Variants in CAMK4 observed in about 807,000 individuals in gnomAD.
The protein encoded by CAMK4 is calcium/calmodulin dependent protein kinase IV.
CAMK4 carries 22 observed loss-of-function variants against 44.9 expected under a neutral mutation model. The observed-to-expected ratio is 0.49, with a 90% CI of 0.35 to 0.70. CAMK4 has a LOEUF of 0.70. CAMK4 is among the 30% of genes least tolerant of loss of function. CAMK4 has a pLI of 0.01. For synonymous variants in CAMK4, 218 were observed against 215.4 expected (o/e 1.01, Z -0.11); for missense variants, 498 against 586.8 (o/e 0.85, Z 1.56).
intron 5 of CAMK4, among the ~76,000 whole-genome samples, chr5:111,436,365 G>C (rs985048941): frequency 7.2e-5 from 11 of 152,200 alleles, no homozygotes; most frequent in Admixed American, 4.6e-4. Flanking sequence ...GCCACTGTCA[G>C]TGTGTTCTTT....
chr5:111,430,905 C>T (rs1369773344), intron 5 of CAMK4, among the ~76,000 whole-genome samples: 1 of 151,998 alleles, frequency 6.6e-6, no homozygotes, highest in East Asian at 1.9e-4. Flanking sequence ...TCAGTGCAAT[C>T]ACTATCAAAA....
chr5:111,315,327 G>A (rs1013423384), intron 1 of CAMK4, among the ~76,000 whole-genome samples: 5 of 152,084 alleles, frequency 3.3e-5, no homozygotes, highest in Non-Finnish European at 7.4e-5. Context: ...GCCTGGTGCA[G>A]TTTAATGAAT....
Position 111,473,313 on chromosome 5 carries a change from C to A in CAMK4, c.628C>A (p.Pro210Thr). ...TVCGTPGYCA[P>T]EILRGCAYGP... is the part of the protein sequence containing the mutation. Reference sequence around the variant, plus strand: ...CACAATTTTCACTTTTTCTGCAGCACCTGAAATTCTTAGAGGTTGTGCCTA... The same window carrying A: ...CACAATTTTCACTTTTTCTGCAGCAACTGAAATTCTTAGAGGTTGTGCCTA... Residue 210 changes from proline to threonine, a missense_variant and splice_region_variant, in exon 8 of 11, where the codon CCT becomes ACT. By Grantham distance (38) the Pro-to-Thr change is conservative. Transcript: ENST00000282356. The A allele has an allele frequency of 6.2e-7, 1 of 1,607,494 alleles. No individual in the cohort carries two copies. The highest frequency in any genetic ancestry group is 2.2e-5 in the East Asian group (1 of 44,798).
At chr5:111,377,073 G>C in intron 4 of CAMK4, 131 bp downstream of exon 4, 1 of 562,680 alleles carries the variant, frequency 1.8e-6, no homozygotes, top group Non-Finnish European at 3.1e-6. Context: ...ACTAAAAAAA[G>C]TCTTAAGAAG....
At chr5:111,313,947 T>C (rs897396009) in intron 1 of CAMK4, among the ~76,000 whole-genome samples, 1 of 152,096 alleles carries the variant, frequency 6.6e-6, no homozygotes, top group African/African-American at 2.4e-5. Context: ...TTGCAATAAT[T>C]TGTATGGGTA....
chr5:111,340,311 A>G (rs1749585489), intron 1 of CAMK4, among the ~76,000 whole-genome samples: 1 of 151,254 alleles, frequency 6.6e-6, no homozygotes, highest in Non-Finnish European at 1.5e-5. Flanking sequence ...ATTTTAGAGG[A>G]ACAGCTTTCA....
intron 2 of CAMK4, among the ~76,000 whole-genome samples, chr5:111,358,482 AG>A (rs1750462234): frequency 1.3e-5 from 2 of 152,020 alleles, no homozygotes; most frequent in African/African-American, 4.8e-5. Context: ...TCAGATGGAT[AG>A]TTATATCTAA....
intron 7 of CAMK4, among the ~76,000 whole-genome samples, chr5:111,472,728 T>C (rs1321107699): frequency 1.3e-5 from 2 of 152,114 alleles, no homozygotes; most frequent in Non-Finnish European, 2.9e-5. Flanking sequence ...CTGATTGGGA[T>C]CAGCTGCTCT....
At chr5:111,430,982 C>T (rs1753420851) in intron 5 of CAMK4, among the ~76,000 whole-genome samples, 1 of 152,048 alleles carries the variant, frequency 6.6e-6, no homozygotes, top group South Asian at 2.1e-4. Flanking sequence ...CCACAAAAGA[C>T]CTAGAATGGC....
chr5:111,224,607 C>G lies in CAMK4; in HGVS notation c.124C>G (p.Leu42Val). ...YWIDGSNRDA[L>V]SDFFEVESEL... Reference sequence around the variant, plus strand: ...GATCGACGGCTCCAACAGGGATGCGCTGAGCGATTTCTTCGAGGTGGAGTC... The same window carrying G: ...GATCGACGGCTCCAACAGGGATGCGGTGAGCGATTTCTTCGAGGTGGAGTC... The change falls in exon 1 of 11, where the codon CTG becomes GTG. Residue 42 changes from leucine to valine, a missense_variant. Coordinates refer to ENST00000282356, the MANE Select transcript of CAMK4 (RefSeq NM_001744.6). The surrounding 1 kb of genome is among the most constrained non-coding windows in gnomAD (Gnocchi z 5.7). 6.2e-7 allele frequency: 1 copy of G among 1,611,796 alleles called. No homozygotes were observed. The highest frequency in any genetic ancestry group is 1.1e-5 in the South Asian group (1 of 90,916).
At chr5:111,404,364 C>G (rs932417282) in intron 5 of CAMK4, among the ~76,000 whole-genome samples, 4 of 152,190 alleles carry the variant, frequency 2.6e-5, no homozygotes, top group African/African-American at 9.6e-5. Flanking sequence ...CAGTTCTTAT[C>G]TGGAGAAAGT....
chr5:111,411,962 GA>G (rs1752647535), intron 5 of CAMK4, among the ~76,000 whole-genome samples: 2 of 152,112 alleles, frequency 1.3e-5, no homozygotes, highest in Admixed American at 1.3e-4. Flanking sequence ...TTTTGACATT[GA>G]AACAAGCTTG....
At chr5:111,462,888 T>C (rs1754691521) in intron 7 of CAMK4, among the ~76,000 whole-genome samples, 1 of 152,246 alleles carries the variant, frequency 6.6e-6, no homozygotes, top group South Asian at 2.1e-4. Context: ...AATGTTTCAA[T>C]GGTGCCATCA....
intron 1 of CAMK4, among the ~76,000 whole-genome samples, chr5:111,259,151 TTTTC>T (rs1200595763): frequency 6.6e-6 from 1 of 152,190 alleles, no homozygotes; most frequent in African/African-American, 2.4e-5. Context: ...GCAGAGTTTG[TTTTC>T]TTTATCTTCC....
At chr5:111,468,813 A>G (rs1432280879) in intron 7 of CAMK4, among the ~76,000 whole-genome samples, 2 of 152,078 alleles carry the variant, frequency 1.3e-5, no homozygotes, top group East Asian at 1.9e-4. Context: ...CCCCATCTCT[A>G]TTAAAAATAC....
chr5:111,319,014 C>T (rs1561407925), intron 1 of CAMK4, among the ~76,000 whole-genome samples: 1 of 152,024 alleles, frequency 6.6e-6, no homozygotes, highest in African/African-American at 2.4e-5. Context: ...TATGATAGAG[C>T]TGGTAAGGAG....
intron 1 of CAMK4, among the ~76,000 whole-genome samples, chr5:111,322,671 T>A (rs1748711264): frequency 1.3e-5 from 2 of 149,918 alleles, no homozygotes; most frequent in African/African-American, 4.9e-5. Context: ...GTAGGGAGAG[T>A]CAATAAAATA....
intron 5 of CAMK4, among the ~76,000 whole-genome samples, chr5:111,442,946 C>T (rs56784823): frequency 1.3e-5 from 2 of 149,702 alleles, no homozygotes; most frequent in African/African-American, 4.9e-5. Context: ...CTTGATGTAA[C>T]TCACATAAAC....
intron 1 of CAMK4, among the ~76,000 whole-genome samples, chr5:111,335,547 A>T (rs1749365261): frequency 6.6e-6 from 1 of 151,410 alleles, no homozygotes; most frequent in African/African-American, 2.4e-5. Context: ...GGAGAAAAAG[A>T]AAGAAAAGTT....
Sources: allele counts gnomAD v4.1 joint callset (sites outside exome capture counted in the v4.1 genomes callset), GRCh38; gene constraint gnomAD v4.1.1; non-coding constraint Gnocchi (gnomAD v3.1); transcripts MANE v1.5; gene names NCBI Gene and HGNC (gene_info 2026-07-23, HGNC 2026-07-21).